VPS35L: variants seen among roughly 807,000 people sequenced by gnomAD.
The protein encoded by VPS35L is VPS35 endosomal protein-sorting factor-like.
Under a neutral mutation model 133.0 loss-of-function variants are expected in VPS35L, and 83 were observed. That is an observed-to-expected ratio of 0.62 (90% CI 0.52 to 0.75). VPS35L has a LOEUF of 0.75. Among genes scored for constraint, VPS35L ranks in the 30% least tolerant of loss-of-function variants. The pLI is 0.00. For missense variants in VPS35L, 1,083 were observed against 1,206.8 expected (o/e 0.90, Z 1.52); for synonymous variants, 423 against 449.9 (o/e 0.94, Z 0.76).
rs145197752 is a variant in VPS35L, at chr16:19,625,750, A to G, written c.1225-427A>G. On this transcript the variant is annotated intron_variant, in intron 14 of 30. Transcript: ENST00000417362. ...GTGCAGTGGCATGATCTCAGCTCAT[A>G]GCAGCCTCCACCTCCTGGGTTCAAG... Among the ~76,000 whole-genome samples the G allele has an allele frequency of 1.4e-3, 211 of 152,144 alleles. 2 individuals are homozygous for G. The East Asian group carries it at 0.028, about 20-fold the overall frequency.
At chr16:19,595,380 T>C (rs1379586412) in intron 8 of VPS35L, among the ~76,000 whole-genome samples, 3 of 152,038 alleles carry the variant, frequency 2.0e-5, no homozygotes, top group African/African-American at 7.2e-5. Flanking sequence ...TCAGGTTAGA[T>C]GTCAAATCAT....
intron 8 of VPS35L, among the ~76,000 whole-genome samples, chr16:19,596,441 ATT>A (rs113074231): frequency 7.1e-5 from 10 of 140,986 alleles, no homozygotes; most frequent in Admixed American, 1.4e-4. Flanking sequence ...TGCCCAGCGA[ATT>A]TTTTTTTTTT....
intron 14 of VPS35L, among the ~76,000 whole-genome samples, chr16:19,624,772 T>C (rs901994666): frequency 1.3e-5 from 2 of 152,130 alleles, no homozygotes; most frequent in Non-Finnish European, 2.9e-5. Flanking sequence ...TTGCCACTTA[T>C]TAGGAAGTGT....
At chr16:19,602,833 A>G (rs1351015360) in intron 9 of VPS35L, among the ~76,000 whole-genome samples, 1 of 151,324 alleles carries the variant, frequency 6.6e-6, no homozygotes, top group Non-Finnish European at 1.5e-5. Context: ...CAAACTCCTG[A>G]CCTCAAGTGA....
Position 19,668,521 on chromosome 16 carries a change from T to C in VPS35L, c.2222-639T>C, listed in dbSNP as rs531694310. Among the ~76,000 whole-genome samples the C allele has an allele frequency of 2.0e-4, 31 of 152,308 alleles. No individual in the cohort carries two copies. In the South Asian group the frequency reaches 5.8e-3, roughly 29 times the overall value. The stretch of plus-strand genomic sequence containing the variant: ...TCTTCTTGTTTTACAGATTTTTTCA[T>C]AGCTCTTTAAATATCTTCATTTCCC... On this transcript the variant is annotated intron_variant, in intron 26 of 30. Coordinates refer to ENST00000417362, the MANE Select transcript of VPS35L (RefSeq NM_020314.7).
intron 26 of VPS35L, among the ~76,000 whole-genome samples, chr16:19,657,596 CTGGT>C (rs1974348136): frequency 6.6e-6 from 1 of 152,140 alleles, no homozygotes; most frequent in Non-Finnish European, 1.5e-5. Flanking sequence ...TCCTGTCTGT[CTGGT>C]TTACTCAAAA....
chr16:19,684,164 A>G (rs1454788460), intron 28 of VPS35L, among the ~76,000 whole-genome samples: 1 of 152,066 alleles, frequency 6.6e-6, no homozygotes, highest in African/African-American at 2.4e-5. Context: ...GCTACCAGAC[A>G]TTTTGAACTT....
intron 14 of VPS35L, among the ~76,000 whole-genome samples, chr16:19,624,185 AG>A (rs1004159052): frequency 2.0e-4 from 27 of 137,640 alleles, no homozygotes; most frequent in African/African-American, 7.2e-4. Context: ...GCACAATCAC[AG>A]CTCACTGCAG....
chr16:19,588,672 C>T (rs925279206), intron 7 of VPS35L, among the ~76,000 whole-genome samples: 1 of 152,248 alleles, frequency 6.6e-6, no homozygotes, highest in African/African-American at 2.4e-5. Context: ...TTTTCTGATG[C>T]ATAAATTTTG....
chr16:19,616,691 T>A lies in VPS35L; in HGVS notation c.1107T>A (p.His369Gln), dbSNP rs1322314692. The stretch of plus-strand genomic sequence containing the variant: ...GTTTGTTTGGCCTCCTGTAGATTCA[T>A]GGGGATACGGTCCAGAACCAGCTGG... ...FDFLLTFKQI[H>Q]GDTVQNQLVV... The change falls in exon 14 of 31, where the codon CAT (histidine) becomes CAA (glutamine). Residue 369 changes from histidine to glutamine, a missense_variant. His to Gln is a conservative substitution (Grantham distance 24). Coordinates refer to ENST00000417362, the MANE Select transcript of VPS35L (RefSeq NM_020314.7). 1 of 1,613,734 alleles carries A rather than the reference T, an allele frequency of 6.2e-7. No individual in the cohort carries two copies. The highest frequency in any genetic ancestry group is 1.3e-5 in the African/African-American group (1 of 74,908).
At chr16:19,627,519 T>G (rs540638957) in intron 15 of VPS35L, among the ~76,000 whole-genome samples, 175 bp from the exon 16 acceptor site, 1 of 152,344 alleles carries the variant, frequency 6.6e-6, no homozygotes, top group African/African-American at 2.4e-5. Context: ...GTTGCAGATA[T>G]GTACAGGACA....
intron 29 of VPS35L, among the ~76,000 whole-genome samples, chr16:19,692,208 T>A (rs1975716673): frequency 6.6e-6 from 1 of 152,036 alleles, no homozygotes. Flanking sequence ...CCTGCCTGTG[T>A]CTGAATGACA....
intron 12 of VPS35L, among the ~76,000 whole-genome samples, chr16:19,612,330 T>C (rs1972751194): frequency 6.6e-6 from 1 of 152,092 alleles, no homozygotes; most frequent in African/African-American, 2.4e-5. Flanking sequence ...CTCAGCTCAC[T>C]GCAACCTCTG....
At chr16:19,573,465 G>T (rs1971444273) in intron 4 of VPS35L, 2 of 421,574 alleles carry the variant, frequency 4.7e-6, no homozygotes, top group South Asian at 2.8e-5. Flanking sequence ...CAGGGATGTG[G>T]CACAGGCCAG....
At chr16:19,561,290 G>A (rs1971021919) in intron 1 of VPS35L, among the ~76,000 whole-genome samples, 1 of 152,198 alleles carries the variant, frequency 6.6e-6, no homozygotes, top group Non-Finnish European at 1.5e-5. Context: ...AGAATGGCAT[G>A]AACCTGGGAG....
At chr16:19,679,323 G>T (rs1029272588) in intron 27 of VPS35L, among the ~76,000 whole-genome samples, 5 of 151,116 alleles carry the variant, frequency 3.3e-5, no homozygotes, top group Admixed American at 1.3e-4. Context: ...TTGTAAGATG[G>T]TCTCACTCTG....
intron 29 of VPS35L, among the ~76,000 whole-genome samples, chr16:19,697,225 C>T (rs181057414): frequency 2.0e-5 from 3 of 152,334 alleles, no homozygotes; most frequent in East Asian, 1.9e-4. Context: ...CTGTGACTGT[C>T]GCTGCTCTAG....
At chr16:19,605,049 T>C (rs951366863) in intron 9 of VPS35L, among the ~76,000 whole-genome samples, 2 of 152,234 alleles carry the variant, frequency 1.3e-5, no homozygotes, top group African/African-American at 4.8e-5. Context: ...CTGTGGCTGA[T>C]GTGGGCCACA....
At chr16:19,690,748 C>T (rs906966785) in intron 28 of VPS35L, among the ~76,000 whole-genome samples, 21 of 152,040 alleles carry the variant, frequency 1.4e-4, no homozygotes, top group Non-Finnish European at 2.4e-4. Context: ...GTCAGGAGTT[C>T]GAGACCAGCT....
Sources: allele counts gnomAD v4.1 joint callset (sites outside exome capture counted in the v4.1 genomes callset), GRCh38; gene constraint gnomAD v4.1.1; transcripts MANE v1.5; gene names NCBI Gene and HGNC (gene_info 2026-07-23, HGNC 2026-07-21).